MECOM: variants seen among roughly 807,000 people sequenced by gnomAD.
The protein encoded by MECOM is histone-lysine N-methyltransferase MECOM.
MECOM carries 13 observed loss-of-function variants against 116.3 expected under a neutral mutation model. The ratio of observed to expected loss-of-function variants is 0.11; its 90% CI spans 0.07 to 0.18. MECOM has a LOEUF of 0.18. Ranked by LOEUF, MECOM falls within the 10% of genes least tolerant of loss-of-function variation. The probability of loss-of-function intolerance (pLI) is 1.00; values close to 1 mark genes in which losing one functional copy is unlikely to be tolerated. For synonymous variants in MECOM, 528 were observed against 535.2 expected (o/e 0.99, Z 0.19); for missense variants, 1,299 against 1,509.0 (o/e 0.86, Z 2.31).
intron 2 of MECOM, among the ~76,000 whole-genome samples, chr3:169,280,319 T>G (rs973037425): frequency 6.6e-5 from 10 of 152,212 alleles, no homozygotes; most frequent in African/African-American, 2.4e-4. Context: ...CCAAGCCTAC[T>G]TATTTTATTT....
At chr3:169,531,035 C>T (rs1486160919) in intron 1 of MECOM, among the ~76,000 whole-genome samples, 1 of 152,174 alleles carries the variant, frequency 6.6e-6, no homozygotes, top group Non-Finnish European at 1.5e-5. Context: ...TTCAGATAGA[C>T]AGACCCTTTG....
intron 2 of MECOM, among the ~76,000 whole-genome samples, chr3:169,351,631 G>A (rs542117224): frequency 1.6e-3 from 241 of 151,848 alleles, no homozygotes; most frequent in African/African-American, 5.3e-3. Flanking sequence ...ATATTCAAAT[G>A]TATCCCTTAT....
intron 1 of MECOM, among the ~76,000 whole-genome samples, chr3:169,500,842 A>C (rs1754436562): frequency 6.6e-6 from 1 of 151,978 alleles, no homozygotes; most frequent in Admixed American, 6.6e-5. Context: ...AACAGGGCTA[A>C]ATCTGATTAT....
At chr3:169,372,301 T>A (rs975705458) in intron 2 of MECOM, among the ~76,000 whole-genome samples, 1 of 152,106 alleles carries the variant, frequency 6.6e-6, no homozygotes, top group Non-Finnish European at 1.5e-5. Context: ...TGACTTATAC[T>A]TGCAGAGTTT....
rs530990210 is a variant in MECOM, at chr3:169,360,602, G to A, written c.375+20585C>T. On this transcript the variant is annotated intron_variant, in intron 2 of 16. Transcript: ENST00000651503. The stretch of plus-strand genomic sequence containing the variant: ...CTGAAATACTTCCATACACTTTATC[G>A]CAATATATTTAGTTATGATATTATT... 8.6e-5 allele frequency among the ~76,000 whole-genome samples: 13 copies of A among 151,652 alleles called. No individual in the cohort carries two copies. The South Asian group carries it at 1.0e-3, about 12-fold the overall frequency.
intron 1 of MECOM, among the ~76,000 whole-genome samples, chr3:169,633,476 T>C (rs1391151117): frequency 1.3e-5 from 2 of 152,162 alleles, no homozygotes; most frequent in Non-Finnish European, 2.9e-5. Context: ...CTAGTCTCAC[T>C]AAAACATCAA....
In MECOM at chr3:169,133,976, T is replaced by C. The variant is rs1216591214; in HGVS notation, c.511-2445A>G. 3.9e-6 allele frequency: 5 copies of C among 1,289,100 alleles called. No homozygotes were observed. In the African/African-American group the frequency reaches 7.6e-5, roughly 20 times the overall value. 79.9% of individuals were successfully genotyped at this position (1,289,100 alleles called of 1,614,324 possible). ...TTCCTTTCCAACAACATGTTGACAT[T>C]TGAATTGTGACATATTAGAACTTTT... On this transcript the variant is annotated intron_variant, in intron 3 of 16. Transcript: ENST00000651503.
chr3:169,492,445 A>G (rs1438491872), intron 1 of MECOM, among the ~76,000 whole-genome samples: 1 of 152,166 alleles, frequency 6.6e-6, no homozygotes, highest in Non-Finnish European at 1.5e-5. Flanking sequence ...TGGAATTTTT[A>G]TCCTGAATCA....
chr3:169,292,048 G>A (rs918237721), intron 2 of MECOM, among the ~76,000 whole-genome samples: 16 of 152,132 alleles, frequency 1.1e-4, no homozygotes, highest in Admixed American at 5.9e-4. Flanking sequence ...CTAGTTTGGC[G>A]TTTTGTATTT....
intron 2 of MECOM, among the ~76,000 whole-genome samples, chr3:169,155,220 T>G (rs911162667): frequency 6.6e-6 from 1 of 152,196 alleles, no homozygotes; most frequent in Non-Finnish European, 1.5e-5. Flanking sequence ...GTTGATGCAG[T>G]GATGATTCTT....
intron 16 of MECOM, among the ~76,000 whole-genome samples, chr3:169,088,351 A>T (rs190440200): frequency 2.7e-4 from 41 of 152,276 alleles, no homozygotes; most frequent in African/African-American, 9.6e-4. Context: ...CCTTAAATAG[A>T]TTTATTTTTA....
At position 169,583,568 on chromosome 3, in the gene MECOM, A is replaced by G. The variant is rs1342775211; in HGVS notation, c.37+79768T>C. On this transcript the variant is annotated intron_variant, in intron 1 of 16. Coordinates refer to ENST00000651503, the MANE Select transcript of MECOM (RefSeq NM_004991.4). The stretch of plus-strand genomic sequence containing the variant: ...TTAGTGCATGCCAACCCAAACTCCT[A>G]TATTTACTACTTCTAAAAAAGCACA... Among the ~76,000 whole-genome samples, 8 of 152,234 alleles carry G rather than the reference A, an allele frequency of 5.3e-5. No homozygotes were observed. In the South Asian group the frequency reaches 1.7e-3, roughly 32 times the overall value.
intron 2 of MECOM, among the ~76,000 whole-genome samples, chr3:169,342,361 A>G (rs1388315274): frequency 6.6e-6 from 1 of 152,090 alleles, no homozygotes; most frequent in African/African-American, 2.4e-5. Context: ...TACCCCTTAC[A>G]GTATTTTACA....
intron 2 of MECOM, among the ~76,000 whole-genome samples, chr3:169,254,889 T>A (rs1456355516): frequency 1.3e-5 from 2 of 152,084 alleles, no homozygotes; most frequent in African/African-American, 4.8e-5. Context: ...GGAGTTTATC[T>A]GGTTCTAGCA....
At chr3:169,651,257 T>G (rs1180055459) in intron 1 of MECOM, among the ~76,000 whole-genome samples, 1 of 152,252 alleles carries the variant, frequency 6.6e-6, no homozygotes, top group Non-Finnish European at 1.5e-5. Flanking sequence ...CTTTTCTGCA[T>G]CTATTGAGAT....
At chr3:169,117,450 T>A (rs1184516906) in intron 7 of MECOM, among the ~76,000 whole-genome samples, 2 of 152,248 alleles carry the variant, frequency 1.3e-5, no homozygotes, top group Non-Finnish European at 1.5e-5. Flanking sequence ...TAGCCCATCC[T>A]GCATTGCTGG....
chr3:169,144,691 A>T (rs1354482788), intron 2 of MECOM, among the ~76,000 whole-genome samples: 1 of 152,174 alleles, frequency 6.6e-6, no homozygotes, highest in Non-Finnish European at 1.5e-5. Flanking sequence ...AGCTATTCTG[A>T]TTCACTAACA....
At chr3:169,353,316 T>A (rs1726706086) in intron 2 of MECOM, among the ~76,000 whole-genome samples, 1 of 151,890 alleles carries the variant, frequency 6.6e-6, no homozygotes, top group Admixed American at 6.6e-5. Context: ...GAAAATAATG[T>A]TAATACTATT....
chr3:169,579,687 A>G (rs1276525137), intron 1 of MECOM, among the ~76,000 whole-genome samples: 1 of 152,238 alleles, frequency 6.6e-6, no homozygotes, highest in Non-Finnish European at 1.5e-5. Context: ...AGCTCTTCAT[A>G]AGTGAAAGCC....
Sources: gnomAD v4.1 joint callset for allele counts (sites outside exome capture counted in the v4.1 genomes callset) on GRCh38, gnomAD v4.1.1 for gene constraint, MANE v1.5 for transcripts, NCBI Gene and HGNC (gene_info 2026-07-23, HGNC 2026-07-21) for gene names.